The following MBNL2 variants were observed in gnomAD, a reference collection of about 807,000 sequenced individuals.
MBNL2 encodes the protein muscleblind like splicing regulator 2, also known as muscleblind-like protein 2.
MBNL2 carries 17 observed loss-of-function variants against 41.9 expected under a neutral mutation model. The ratio of observed to expected loss-of-function variants is 0.41; its 90% CI spans 0.28 to 0.61. The LOEUF is 0.61. MBNL2 is among the 20% of genes least tolerant of loss of function. The pLI, the probability that MBNL2 is intolerant of heterozygous loss-of-function variation, is 0.35. For missense variants in MBNL2, 336 were observed against 505.6 expected (o/e 0.66, Z 3.22); for synonymous variants, 195 against 182.9 (o/e 1.07, Z -0.53).
At chr13:97,251,290 G>A (rs1461951557) in intron 1 of MBNL2, among the ~76,000 whole-genome samples, 1 of 151,756 alleles carries the variant, frequency 6.6e-6, no homozygotes, top group African/African-American at 2.4e-5. Context: ...AAGGATAAAT[G>A]CTTGAGGTGA....
intron 2 of MBNL2, among the ~76,000 whole-genome samples, chr13:97,306,066 C>T (rs1056670114): frequency 6.6e-6 from 1 of 152,164 alleles, no homozygotes; most frequent in Non-Finnish European, 1.5e-5. Context: ...TGCACATGTT[C>T]CCTTTCTCTC....
the MBNL2 span, among the ~76,000 whole-genome samples, chr13:97,168,640 C>T: frequency 4.7e-4 from 72 of 152,204 alleles, no homozygotes; most frequent in African/African-American, 1.6e-3. Flanking sequence ...GTGCCCGGCA[C>T]GCAATAGGCA....
rs757827148 is a variant in MBNL2 at position 97,354,421 on chromosome 13, GAAC to G, written c.805-2370_805-2368del. On this transcript the variant is annotated intron_variant, in intron 5 of 8. Coordinates refer to ENST00000679496, the MANE Select transcript of MBNL2 (RefSeq NM_001382683.1). ...ACATACCTGCTTCACAATGCGAGAT[GAAC>G]AACATGTTAATATGCACACCCCGCC... 2.3e-4 allele frequency among the ~76,000 whole-genome samples: 35 copies of G among 152,238 alleles called. 1 individual carries two copies. Among genetic ancestry groups the G allele is most frequent in the African/African-American group, 2.2e-4 (9 of 41,548 alleles).
chr13:97,345,219 T>C (rs913823627), intron 4 of MBNL2, among the ~76,000 whole-genome samples: 3 of 152,240 alleles, frequency 2.0e-5, no homozygotes, highest in Admixed American at 1.3e-4. Context: ...GGGCCCTTCA[T>C]ATAACATCAC....
chr13:97,224,420 T>A (rs2041279122), intron 1 of MBNL2, among the ~76,000 whole-genome samples: 1 of 152,062 alleles, frequency 6.6e-6, no homozygotes, highest in African/African-American at 2.4e-5. Flanking sequence ...GGAAGGGTAA[T>A]GTTTACAAAG....
In MBNL2 at chr13:97,289,141, C is replaced by T. The variant is rs527821993; in HGVS notation, c.174+12732C>T. On this transcript the variant is annotated intron_variant, in intron 2 of 8. Coordinates refer to ENST00000679496, the MANE Select transcript of MBNL2 (RefSeq NM_001382683.1). ...TCTTATTCTTAAAAAATACATAATG[C>T]GTCTAATTTTTTACTGAATACTGAT... is the stretch of plus-strand genomic sequence containing the variant. Among the ~76,000 whole-genome samples the T allele has an allele frequency of 2.8e-4, 43 of 152,206 alleles. 1 individual carries two copies. The highest frequency in any genetic ancestry group is 8.9e-4 in the African/African-American group (37 of 41,510).
chr13:97,299,477 G>A (rs1188351786), intron 2 of MBNL2, among the ~76,000 whole-genome samples: 1 of 151,984 alleles, frequency 6.6e-6, no homozygotes, highest in Non-Finnish European at 1.5e-5. Flanking sequence ...ATTCACAATG[G>A]TTCAACTCAA....
rs1284208606 is a variant in MBNL2, at chr13:97,343,196, C to A, written c.520C>A (p.Leu174Ile). The A allele has an allele frequency of 6.2e-7, 1 of 1,608,158 alleles. No individual in the cohort carries two copies. The highest frequency in any genetic ancestry group is 8.5e-7 in the Non-Finnish European group (1 of 1,176,992). ...VPGSTATQKLLRTDKLEVCRE... is the reference protein window; with the variant it reads ...VPGSTATQKLIRTDKLEVCRE... ...GGGCTCAACTGCAACTCAGAAACTTCTCAGGACTGACAAACTGGAGGTACT... is the reference window on the plus strand; with the variant it reads ...GGGCTCAACTGCAACTCAGAAACTTATCAGGACTGACAAACTGGAGGTACT... Residue 174 changes from leucine (L) to isoleucine (I), a missense_variant, in exon 4 of 9, where the codon CTC becomes ATC. By Grantham distance (5) the Leu-to-Ile change is conservative. Transcript: ENST00000679496.
chr13:97,280,930 C>T (rs2053268804), intron 2 of MBNL2, among the ~76,000 whole-genome samples: 1 of 152,182 alleles, frequency 6.6e-6, no homozygotes, highest in African/African-American at 2.4e-5. Context: ...ATCCCATTTC[C>T]TTCTCACCTG....
At chr13:97,344,991 G>A (rs1426979531) in intron 4 of MBNL2, among the ~76,000 whole-genome samples, 1 of 152,220 alleles carries the variant, frequency 6.6e-6, no homozygotes, top group African/African-American at 2.4e-5. Context: ...TCCATTGATG[G>A]AGGAAGGCTT....
chr13:97,349,889 A>C (rs182533326), intron 5 of MBNL2, among the ~76,000 whole-genome samples: 150 of 152,228 alleles, frequency 9.9e-4, no homozygotes, highest in African/African-American at 3.5e-3. Context: ...TTTTGACAAG[A>C]GAGAGAATGG....
chr13:97,347,482 C>T (rs2061993199), intron 5 of MBNL2, among the ~76,000 whole-genome samples: 1 of 152,200 alleles, frequency 6.6e-6, no homozygotes, highest in Non-Finnish European at 1.5e-5. Context: ...GGAGCAGCCA[C>T]GGAGGACATC....
At position 97,262,357 on chromosome 13, in the gene MBNL2, C is replaced by T. The variant is rs535541275; in HGVS notation, c.-604-13275C>T. Among the ~76,000 whole-genome samples, 19 of 152,332 alleles carry T rather than the reference C, an allele frequency of 1.2e-4. No homozygotes were observed. In the East Asian group the frequency reaches 3.5e-3, roughly 28 times the overall value. On this transcript the variant is annotated intron_variant, in intron 1 of 8. Coordinates refer to ENST00000679496, the MANE Select transcript of MBNL2 (RefSeq NM_001382683.1). ...AATTGTCCACATGCCTTGATCTCTC[C>T]GTGGCAGTGGCAGTGGACGCTTTTC... is the stretch of plus-strand genomic sequence containing the variant.
intron 1 of MBNL2, among the ~76,000 whole-genome samples, chr13:97,223,528 T>C (rs2041120956): frequency 6.6e-6 from 1 of 152,210 alleles, no homozygotes; most frequent in South Asian, 2.1e-4. Context: ...TTAGAATAGT[T>C]AGCAAGCACT....
the MBNL2 span, among the ~76,000 whole-genome samples, chr13:97,146,240 A>G: frequency 7.5e-4 from 112 of 150,226 alleles, no homozygotes; most frequent in African/African-American, 2.7e-3. Context: ...TTACCTCGTG[A>G]TCCTCCCGCC....
At chr13:97,239,721 C>T (rs900577688) in intron 1 of MBNL2, among the ~76,000 whole-genome samples, 9 of 152,166 alleles carry the variant, frequency 5.9e-5, no homozygotes, top group African/African-American at 1.7e-4. Flanking sequence ...TTCTCTGGAG[C>T]GTCCTAACTC....
intron 1 of MBNL2, among the ~76,000 whole-genome samples, chr13:97,271,156 TG>T (rs1260065656): frequency 2.0e-5 from 3 of 149,730 alleles, no homozygotes; most frequent in Non-Finnish European, 4.4e-5. Flanking sequence ...AGGCTCTCTG[TG>T]TTGCCCAGGC....
chr13:97,243,940 A>G (rs1269708526), intron 1 of MBNL2, among the ~76,000 whole-genome samples: 1 of 152,202 alleles, frequency 6.6e-6, no homozygotes, highest in Admixed American at 6.5e-5. Flanking sequence ...GTGGGCTTCT[A>G]CATGTTCTCC....
intron 8 of MBNL2, among the ~76,000 whole-genome samples, chr13:97,387,180 G>T (rs2065985299): frequency 2.0e-5 from 3 of 151,690 alleles, no homozygotes; most frequent in African/African-American, 7.3e-5. Flanking sequence ...TGAGGCAATA[G>T]TCTCCCAGGG....
Sources: gnomAD v4.1 joint callset for allele counts (sites outside exome capture counted in the v4.1 genomes callset) on GRCh38, gnomAD v4.1.1 for gene constraint, MANE v1.5 for transcripts, NCBI Gene and HGNC (gene_info 2026-07-23, HGNC 2026-07-21) for gene names.